MINDY2: variants seen among roughly 807,000 people sequenced by gnomAD.
The protein encoded by MINDY2 is ubiquitin carboxyl-terminal hydrolase MINDY-2.
Under a neutral mutation model 68.2 loss-of-function variants are expected in MINDY2, and 52 were observed. That is an observed-to-expected ratio of 0.76 (90% confidence interval 0.61 to 0.96). The LOEUF (loss-of-function observed/expected upper bound fraction) is 0.96. MINDY2 is among the 40% of genes least tolerant of loss of function. MINDY2 has a pLI of 0.00. For missense variants in MINDY2, 881 were observed against 773.4 expected (o/e 1.14, Z -1.65); for synonymous variants, 372 against 303.0 (o/e 1.23, Z -2.36).
At chr15:58,790,006 T>A (rs1386652392) in intron 2 of MINDY2, among the ~76,000 whole-genome samples, 1 of 152,152 alleles carries the variant, frequency 6.6e-6, no homozygotes, top group Non-Finnish European at 1.5e-5. Context: ...CTTGAACTCC[T>A]GGGCTCAAGC....
intron 1 of MINDY2, among the ~76,000 whole-genome samples, chr15:58,778,637 T>C (rs1900927252): frequency 6.6e-6 from 1 of 151,144 alleles, no homozygotes; most frequent in Non-Finnish European, 1.5e-5. Flanking sequence ...CCTTTTTTTC[T>C]TTTTTTTGAG....
At chr15:58,851,264 G>A (rs753778051) in intron 7 of MINDY2, among the ~76,000 whole-genome samples, 16 of 152,076 alleles carry the variant, frequency 1.1e-4, no homozygotes, top group Admixed American at 3.3e-4. Flanking sequence ...GTGAGCCACC[G>A]CACCTGGCCT....
At chr15:58,849,994 C>G (rs2032735946) in intron 7 of MINDY2, among the ~76,000 whole-genome samples, 2 of 152,284 alleles carry the variant, frequency 1.3e-5, no homozygotes, top group South Asian at 4.1e-4. Flanking sequence ...GCCTTGGCCC[C>G]CTAAAGTGCT....
At chr15:58,777,845 A>G (rs1900872124) in intron 1 of MINDY2, among the ~76,000 whole-genome samples, 1 of 151,930 alleles carries the variant, frequency 6.6e-6, no homozygotes, top group Non-Finnish European at 1.5e-5. Context: ...CTAGTCTCAA[A>G]CTCCTGGGCT....
chr15:58,808,081 A>T (rs2029939293), intron 3 of MINDY2, among the ~76,000 whole-genome samples: 1 of 148,874 alleles, frequency 6.7e-6, no homozygotes, highest in African/African-American at 2.5e-5. Flanking sequence ...CAGTGCATTC[A>T]CTGCAAAATT....
intron 2 of MINDY2, among the ~76,000 whole-genome samples, chr15:58,790,598 G>A (rs1408897349): frequency 6.6e-6 from 1 of 152,054 alleles, no homozygotes; most frequent in Non-Finnish European, 1.5e-5. Flanking sequence ...TGGGGGGTAA[G>A]ACAAGTGGGA....
At chr15:58,813,597 G>T (rs2030455606) in intron 4 of MINDY2, among the ~76,000 whole-genome samples, 1 of 152,092 alleles carries the variant, frequency 6.6e-6, no homozygotes, top group South Asian at 2.1e-4. Flanking sequence ...TTGTTGGTTT[G>T]TGTGTTTGTT....
rs180913433 is a variant in MINDY2, at chr15:58,828,220, A to G, written c.1226-3554A>G. On this transcript the variant is annotated intron_variant, in intron 5 of 8. Coordinates refer to ENST00000559228, the MANE Select transcript of MINDY2 (RefSeq NM_001040450.3). ...GTAAAATCTGGGCATTTGTCATTAA[A>G]ATAAATTGTTTTGCCCATCCTTTTG... Among the ~76,000 whole-genome samples, 164 of 152,308 alleles carry G rather than the reference A, an allele frequency of 1.1e-3. 1 individual carries two copies. The highest frequency in any genetic ancestry group is 3.7e-3 in the African/African-American group (155 of 41,584).
chr15:58,775,717 G>A (rs570581886), intron 1 of MINDY2, among the ~76,000 whole-genome samples: 1 of 152,258 alleles, frequency 6.6e-6, no homozygotes, highest in South Asian at 2.1e-4. Context: ...GATAGGGAAG[G>A]TATGAAGGGA....
At chr15:58,846,781 C>T (rs923258420) in intron 6 of MINDY2, among the ~76,000 whole-genome samples, 21 of 152,078 alleles carry the variant, frequency 1.4e-4, no homozygotes, top group South Asian at 1.0e-3. Context: ...TGTGTTGTAT[C>T]TATTATTGGT....
chr15:58,832,924 TGA>T (rs1356599396), intron 6 of MINDY2, among the ~76,000 whole-genome samples: 40 of 152,368 alleles, frequency 2.6e-4, no homozygotes, highest in African/African-American at 8.7e-4. Context: ...TTTGCCTTTA[TGA>T]TACTGTTTGC....
At chr15:58,844,620 A>T (rs537165218) in intron 6 of MINDY2, among the ~76,000 whole-genome samples, 8 of 151,144 alleles carry the variant, frequency 5.3e-5, no homozygotes, top group South Asian at 4.2e-4. Context: ...TAGTTTTTTT[A>T]AAAAAATAAA....
chr15:58,785,568 G>A (rs1746486400), intron 1 of MINDY2, among the ~76,000 whole-genome samples: 1 of 152,138 alleles, frequency 6.6e-6, no homozygotes, highest in Non-Finnish European at 1.5e-5. Flanking sequence ...AAAACAGACA[G>A]TCGACAGTAA....
chr15:58,797,424 C>A (rs1014492375), intron 2 of MINDY2, among the ~76,000 whole-genome samples: 1 of 152,184 alleles, frequency 6.6e-6, no homozygotes, highest in Non-Finnish European at 1.5e-5. Context: ...AGCAGGATCA[C>A]TTGAGCCTGG....
intron 8 of MINDY2, among the ~76,000 whole-genome samples, chr15:58,852,305 A>AAAAAAAAAAAAAAT (rs1567079316): frequency 1.3e-5 from 2 of 150,280 alleles, no homozygotes; most frequent in Non-Finnish European, 3.0e-5. Flanking sequence ...AAAAAAAAAA[A>AAAAAAAAAAAAAAT]GATGATCACT....
chr15:58,813,462 C>T (rs552701378), intron 4 of MINDY2, among the ~76,000 whole-genome samples: 1 of 152,344 alleles, frequency 6.6e-6, no homozygotes, highest in East Asian at 1.9e-4. Context: ...TGCCACTTCT[C>T]TCCAGCCTGG....
chr15:58,795,953 T>C, intron 2 of MINDY2: 1 of 367,122 alleles, frequency 2.7e-6, no homozygotes. Context: ...AGGGTGAAGA[T>C]TGTTAGAAGA....
Position 58,859,523 on chromosome 15 carries a change from TA to T in MINDY2, c.*4914del, listed in dbSNP as rs1339004535. 2 of 152,226 alleles carry T rather than the reference TA, an allele frequency of 1.3e-5. No homozygotes were observed. The highest frequency in any genetic ancestry group is 3.8e-4 in the East Asian group (2 of 5,200). 9.4% of individuals were successfully genotyped at this position (152,226 alleles called of 1,614,324 possible). Reference sequence around the variant, plus strand: ...TCTTAAGTTCTCTGATAATTTAGTATATTTTATTAATGATGTCCAACACCTC... The same window carrying T: ...TCTTAAGTTCTCTGATAATTTAGTATTTTTATTAATGATGTCCAACACCTC... On this transcript the variant is annotated 3_prime_UTR_variant, in exon 9 of 9. Coordinates refer to ENST00000559228, the MANE Select transcript of MINDY2 (RefSeq NM_001040450.3).
Position 58,860,170 on chromosome 15 carries a change from T to C in MINDY2, c.*5560T>C, listed in dbSNP as rs181217640. 6.6e-6 allele frequency: 1 copy of C among 152,328 alleles called. No individual in the cohort carries two copies. The highest frequency in any genetic ancestry group is 1.9e-4 in the East Asian group (1 of 5,194). The allele number at this position is 152,328 out of a possible 1,614,324, so 9.4% of individuals were successfully genotyped here. On this transcript the variant is annotated 3_prime_UTR_variant, in exon 9 of 9. Transcript: ENST00000559228. The stretch of plus-strand genomic sequence containing the variant: ...TAATCTGCACTGTAATATCCTGCTT[T>C]GAGAAGAAAGAATGCCTCATAAATT...
Sources: allele counts gnomAD v4.1 joint callset (sites outside exome capture counted in the v4.1 genomes callset), GRCh38; gene constraint gnomAD v4.1.1; transcripts MANE v1.5; gene names NCBI Gene and HGNC (gene_info 2026-07-23, HGNC 2026-07-21).